VPS13A: variants seen among roughly 807,000 people sequenced by gnomAD.
VPS13A encodes the protein vacuolar protein sorting 13 homolog A.
In VPS13A, 264 loss-of-function variants were observed where a neutral mutation model predicts 390.9. The ratio of observed to expected loss-of-function variants is 0.68; its 90% CI spans 0.61 to 0.75. The LOEUF (loss-of-function observed/expected upper bound fraction) is 0.75, where lower values mean the gene tolerates loss of function less well. Ranked by LOEUF, VPS13A falls within the 30% of genes least tolerant of loss-of-function variation. The pLI is 0.00. For missense variants in VPS13A, 3,409 were observed against 3,733.9 expected, an observed-to-expected ratio of 0.91 and a Z score of 2.27; for synonymous variants, 1,231 against 1,227.1, an observed-to-expected ratio of 1.00 and a Z score of -0.07.
At chr9:77,249,503 A>T (rs958961213) in intron 20 of VPS13A, among the ~76,000 whole-genome samples, 1 of 152,212 alleles carries the variant, frequency 6.6e-6, no homozygotes, top group African/African-American at 2.4e-5. Context: ...AGGGAAAAAA[A>T]GTTAAAAAAT....
chr9:77,352,971 T>C (rs998487361), intron 53 of VPS13A, among the ~76,000 whole-genome samples: 20 of 152,130 alleles, frequency 1.3e-4, no homozygotes, highest in Admixed American at 5.2e-4. Context: ...ATACATGCTT[T>C]GTAGAACATA....
intron 68 of VPS13A, among the ~76,000 whole-genome samples, chr9:77,399,156 T>A (rs1834244336): frequency 2.6e-5 from 3 of 113,708 alleles, no homozygotes; most frequent in South Asian, 5.9e-4. Flanking sequence ...ACCCTAAAAC[T>A]TAGAGTATAA....
At chr9:77,350,718 T>A (rs914385397) in intron 52 of VPS13A, among the ~76,000 whole-genome samples, 2 of 152,152 alleles carry the variant, frequency 1.3e-5, no homozygotes, top group African/African-American at 2.4e-5. Context: ...TACAAAGATA[T>A]GTCTAGAATG....
intron 17 of VPS13A, among the ~76,000 whole-genome samples, chr9:77,233,449 G>C (rs935294563): frequency 6.6e-6 from 1 of 151,600 alleles, no homozygotes; most frequent in African/African-American, 2.4e-5. Flanking sequence ...GTGAGCTTTG[G>C]GTTTAATTTG....
At chr9:77,347,448 C>T (rs182021706) in intron 52 of VPS13A, among the ~76,000 whole-genome samples, 3 of 152,078 alleles carry the variant, frequency 2.0e-5, no homozygotes, top group Non-Finnish European at 4.4e-5. Context: ...GATTTTTATG[C>T]GTTGTTTTGT....
At chr9:77,235,535 C>T (rs959578489) in intron 17 of VPS13A, among the ~76,000 whole-genome samples, 1 of 152,048 alleles carries the variant, frequency 6.6e-6, no homozygotes, top group East Asian at 1.9e-4. Context: ...CTGAGTTTAT[C>T]CTAATTGGAG....
chr9:77,308,138 T>C, intron 35 of VPS13A, 40 bp downstream of exon 35: 1 of 1,605,998 alleles, frequency 6.2e-7, no homozygotes, highest in Non-Finnish European at 8.5e-7. Context: ...CTTTCCTCTT[T>C]CTCTCTTTTT....
At chr9:77,358,194 G>C (rs1038010119) in intron 56 of VPS13A, among the ~76,000 whole-genome samples, 163 bp from the exon 57 acceptor site, 3 of 151,826 alleles carry the variant, frequency 2.0e-5, no homozygotes, top group African/African-American at 7.3e-5. Context: ...GACCCCAGAT[G>C]ATCCACCCGC....
chr9:77,192,474 G>A (rs947783874), intron 1 of VPS13A, among the ~76,000 whole-genome samples: 10 of 152,030 alleles, frequency 6.6e-5, no homozygotes, highest in African/African-American at 2.4e-4. Flanking sequence ...TGTGGTAGCC[G>A]GTAATGGTCT....
intron 20 of VPS13A, 97 bp from the exon 21 acceptor site, chr9:77,250,000 C>T: frequency 7.4e-7 from 1 of 1,349,132 alleles, no homozygotes; most frequent in South Asian, 1.3e-5. Flanking sequence ...TGAATTTATC[C>T]TCTCCTATTA....
chr9:77,254,747 T>G (rs1440922000), intron 22 of VPS13A, among the ~76,000 whole-genome samples: 1 of 152,172 alleles, frequency 6.6e-6, no homozygotes, highest in Non-Finnish European at 1.5e-5. Context: ...CCTCATTTCT[T>G]AAGTTTATTC....
intron 1 of VPS13A, among the ~76,000 whole-genome samples, chr9:77,195,598 A>T (rs934203763): frequency 1.3e-5 from 2 of 151,916 alleles, no homozygotes; most frequent in Non-Finnish European, 2.9e-5. Context: ...TTAGCTGGGC[A>T]TGGTGGTGGG....
chr9:77,349,121 G>A (rs898364483), intron 52 of VPS13A, among the ~76,000 whole-genome samples: 2 of 152,088 alleles, frequency 1.3e-5, no homozygotes, highest in Non-Finnish European at 2.9e-5. Context: ...CAGAAAAAAT[G>A]TGAAAGAGGA....
chr9:77,302,368 CTT>C (rs58598132), intron 33 of VPS13A, among the ~76,000 whole-genome samples: 12 of 117,796 alleles, frequency 1.0e-4, no homozygotes, highest in Middle Eastern at 5.3e-3. Context: ...TATTTTTCCC[CTT>C]TTTTTTTTTT....
rs1590020161 is a variant in VPS13A, at chr9:77,220,089, T to C, written c.882+8T>C. On this transcript the variant is annotated splice_region_variant and intron_variant, in intron 11 of 71. Transcript: ENST00000360280. ...GAATTTAATAAACCACAGGTGATTT[T>C]CTTTAATATAATTTTCAATTGTGAA... is the stretch of plus-strand genomic sequence containing the variant. 1.9e-6 allele frequency: 3 copies of C among 1,598,014 alleles called. No individual in the cohort carries two copies. The South Asian group carries it at 3.4e-5, about 18-fold the overall frequency.
At position 77,311,963 on chromosome 9, in the gene VPS13A, A is replaced by G. The variant is rs557051083; in HGVS notation, c.4115-2029A>G. The stretch of plus-strand genomic sequence containing the variant: ...ATTAAGAAGTTGTTTGAACTGAATG[A>G]TCATGAAAATAAAATATATCAGAAT... On this transcript the variant is annotated intron_variant, in intron 35 of 71. Transcript: ENST00000360280. Among the ~76,000 whole-genome samples the G allele has an allele frequency of 7.2e-5, 11 of 152,296 alleles. No homozygotes were observed. In the East Asian group the frequency reaches 1.7e-3, roughly 24 times the overall value.
chr9:77,276,904 A>G (rs1826712300), intron 26 of VPS13A, among the ~76,000 whole-genome samples: 1 of 152,132 alleles, frequency 6.6e-6, no homozygotes, highest in South Asian at 2.1e-4. Flanking sequence ...AGGATAATAT[A>G]CCTTTAACCT....
At chr9:77,409,202 C>T (rs979502352) in intron 71 of VPS13A, among the ~76,000 whole-genome samples, 1 of 152,244 alleles carries the variant, frequency 6.6e-6, no homozygotes, top group African/African-American at 2.4e-5. Flanking sequence ...AGTGGACCTC[C>T]AGCAAACTCC....
chr9:77,360,659 A>G lies in VPS13A; in HGVS notation c.8211+18A>G. 1 of 1,531,288 alleles carries G rather than the reference A, an allele frequency of 6.5e-7. No homozygotes were observed. The highest frequency in any genetic ancestry group is 9.0e-7 in the Non-Finnish European group (1 of 1,105,246). The allele number at this position is 1,531,288 out of a possible 1,614,324, so 94.9% of individuals were successfully genotyped here. A position where few individuals can be genotyped will look rare whatever the true frequency, so the allele number is the denominator to read the frequency against. On this transcript the variant is annotated intron_variant, in intron 59 of 71. Transcript: ENST00000360280. ...ATACAGAGGTAAGACTTAAAATAAT[A>G]ACATTTGATGGAAAGGATTAGGGAA...
Sources: gnomAD v4.1 joint callset for allele counts (sites outside exome capture counted in the v4.1 genomes callset) on GRCh38, gnomAD v4.1.1 for gene constraint, MANE v1.5 for transcripts, NCBI Gene and HGNC (gene_info 2026-07-23, HGNC 2026-07-21) for gene names.